The following FMNL1 variants were observed in gnomAD, a reference collection of about 807,000 sequenced individuals.
FMNL1 encodes the protein formin like 1, also known as formin-like protein 1.
A neutral mutation model predicts 121.3 loss-of-function variants in FMNL1; 43 were observed. The ratio of observed to expected loss-of-function variants is 0.35; its 90% confidence interval spans 0.28 to 0.46. The LOEUF is 0.46. Ranked by LOEUF, FMNL1 falls within the 20% of genes least tolerant of loss-of-function variation. FMNL1 has a pLI of 1.00. For missense variants in FMNL1, 1,191 were observed against 1,482.4 expected (o/e 0.80, Z 3.23); for synonymous variants, 613 against 613.5 (o/e 1.00, Z 0.01).
At chr17:45,229,476 C>T (rs758601447) in intron 1 of FMNL1, among the ~76,000 whole-genome samples, 50 of 152,344 alleles carry the variant, frequency 3.3e-4, no homozygotes, top group Non-Finnish European at 4.9e-4. Context: ...GGAGCGTGAA[C>T]CACCATGGCT....
rs767205834 is a variant in FMNL1 at position 45,236,182 on chromosome 17, G to A, written c.661G>A (p.Val221Ile). Residue 221 changes from valine to isoleucine, a missense_variant, in exon 7 of 27, where the codon GTC (valine) becomes ATC (isoleucine). Val to Ile is a conservative substitution (Grantham distance 29). Around this residue, in one of 4 missense-constraint regions of FMNL1, gnomAD observed 253 missense variants for 417.5 expected, o/e 0.61. Coordinates refer to ENST00000331495, the MANE Select transcript of FMNL1 (RefSeq NM_005892.4). ...SRKALRNSRI[V>I]SQKDDVHVCI... is the part of the protein sequence containing the mutation. ...GAAGGCCCTGCGGAATTCCCGCATC[G>A]TCAGCCAGAAGGACGACGTCCACGT... The A allele has an allele frequency of 5.0e-6, 8 of 1,613,720 alleles. No homozygotes were observed. The highest frequency in any genetic ancestry group is 1.7e-5 in the Admixed American group (1 of 59,996).
At chr17:45,235,593 G>C (rs115138658) in intron 6 of FMNL1, among the ~76,000 whole-genome samples, 1 of 152,198 alleles carries the variant, frequency 6.6e-6, no homozygotes, top group African/African-American at 2.4e-5. Context: ...ATTTGTTGGC[G>C]AAGAATAAGG....
At chr17:45,232,843 ATGTG>A (rs112855430) in intron 3 of FMNL1, 24 of 519,586 alleles carry the variant, frequency 4.6e-5, no homozygotes, top group Non-Finnish European at 6.3e-5. Context: ...GAGAGAGAGA[ATGTG>A]TGTGTGTGTG....
chr17:45,234,276 C>G (rs1163733789), intron 6 of FMNL1, 76 bp downstream of exon 6: 1 of 1,609,666 alleles, frequency 6.2e-7, no homozygotes, highest in African/African-American at 1.3e-5. Flanking sequence ...GCCAGCCCAC[C>G]CCGGGCCCTT....
rs1397732080 is a variant in FMNL1, at chr17:45,247,076, T to C, written c.*218T>C. On this transcript the variant is annotated 3_prime_UTR_variant, in exon 27 of 27. Coordinates refer to ENST00000331495, the MANE Select transcript of FMNL1 (RefSeq NM_005892.4). ...GCTGGCCGGGCAGCCCCTCCTCCGC[T>C]GTGGCCCGCCTCAAACGGGCTGGTG... is the stretch of plus-strand genomic sequence containing the variant. The C allele has an allele frequency of 1.6e-6, 1 of 619,008 alleles. No individual in the cohort carries two copies. The highest frequency in any genetic ancestry group is 2.5e-5 in the Admixed American group (1 of 40,150). The allele number at this position is 619,008 out of a possible 1,614,324, so 38.3% of individuals were successfully genotyped here.
chr17:45,239,615 G>A (rs1818033616), intron 11 of FMNL1, among the ~76,000 whole-genome samples: 1 of 152,156 alleles, frequency 6.6e-6, no homozygotes, highest in Non-Finnish European at 1.5e-5. Flanking sequence ...GGCTTTCGGG[G>A]TTGGATTTTT....
At chr17:45,230,132 A>T (rs1425755881) in intron 1 of FMNL1, among the ~76,000 whole-genome samples, 1 of 152,120 alleles carries the variant, frequency 6.6e-6, no homozygotes, top group East Asian at 1.9e-4. Flanking sequence ...TACACGTGGG[A>T]TCTGGTGGCA....
At position 45,242,438 on chromosome 17, in the gene FMNL1, A is replaced by G; in HGVS notation, c.1983A>G (p.Thr661=). The G allele has an allele frequency of 6.2e-7, 1 of 1,614,094 alleles. No homozygotes were observed. Among genetic ancestry groups the G allele is most frequent in the Non-Finnish European group, 8.5e-7 (1 of 1,179,928 alleles). The change falls in exon 16 of 27, where the codon ACA becomes ACG. Residue 661 remains threonine (T), a synonymous_variant. Transcript: ENST00000331495. ...GCCAGATCACCGGCACTGTCTTCACAGAGCTCAATGATGAGAAGGTGCTGC... is the reference window on the plus strand; with the variant it reads ...GCCAGATCACCGGCACTGTCTTCACGGAGCTCAATGATGAGAAGGTGCTGC... ...KPSQITGTVF[T]ELNDEKVLQE...
At chr17:45,235,987 G>T (rs987415174) in intron 6 of FMNL1, 149 bp from the exon 7 acceptor site, 12 of 640,950 alleles carry the variant, frequency 1.9e-5, no homozygotes, top group Admixed American at 2.7e-5. Flanking sequence ...AAGCCTGCCT[G>T]CCCTCAGCCA....
intron 18 of FMNL1, 28 bp downstream of exon 18, chr17:45,244,053 G>A (rs745502207): frequency 6.3e-7 from 1 of 1,599,930 alleles, no homozygotes; most frequent in Non-Finnish European, 8.5e-7. Flanking sequence ...AGGGCGGTGT[G>A]ACTTGGGAGG....
In FMNL1 at chr17:45,242,157, T is replaced by C; in HGVS notation, c.1885+11T>C. 6.6e-7 allele frequency: 1 copy of C among 1,526,656 alleles called. No homozygotes were observed. The highest frequency in any genetic ancestry group is 1.4e-5 in the African/African-American group (1 of 72,174). 94.6% of individuals were successfully genotyped at this position (1,526,656 alleles called of 1,614,324 possible). On this transcript the variant is annotated intron_variant, in intron 15 of 26. Transcript: ENST00000331495. Reference sequence around the variant, plus strand: ...CAGAATTGGGCCCAGGTGAGTGGAGTGGACCACCTTGGGCCCGGGGCTGGG... The same window carrying C: ...CAGAATTGGGCCCAGGTGAGTGGAGCGGACCACCTTGGGCCCGGGGCTGGG...
chr17:45,230,969 C>T (rs2043424960), intron 2 of FMNL1, among the ~76,000 whole-genome samples: 1 of 152,230 alleles, frequency 6.6e-6, no homozygotes, highest in African/African-American at 2.4e-5. Context: ...GGGCCTCGCA[C>T]TGTCACTGTC....
In FMNL1 at chr17:45,245,543, TGG is replaced by T; in HGVS notation, c.2893-87_2893-86del. The T allele has an allele frequency of 2.5e-6, 4 of 1,601,354 alleles. 1 individual carries two copies. The highest frequency in any genetic ancestry group is 3.4e-6 in the Non-Finnish European group (4 of 1,169,860). ...AGCAGGAATGAGGGGCCACCCTGCC[TGG>T]GAGGAGCTCAGATCAGGTGGCCAGT... is the stretch of plus-strand genomic sequence containing the variant. On this transcript the variant is annotated intron_variant, in intron 22 of 26. Transcript: ENST00000331495.
At chr17:45,228,621 G>T (rs1170701757) in intron 1 of FMNL1, among the ~76,000 whole-genome samples, 1 of 152,248 alleles carries the variant, frequency 6.6e-6, no homozygotes, top group Non-Finnish European at 1.5e-5. Flanking sequence ...TCGGAGCAGT[G>T]CCTTGCACAG....
rs745435426 is a variant in FMNL1, at chr17:45,240,440, C to A, written c.1081-36C>A. On this transcript the variant is annotated intron_variant, in intron 11 of 26. Coordinates refer to ENST00000331495, the MANE Select transcript of FMNL1 (RefSeq NM_005892.4). ...GGAAAGACTCCCCCCCACACACACA[C>A]CAGGCCTCACCCCACTCCTTCCATC... 3 of 1,581,426 alleles carry A rather than the reference C, an allele frequency of 1.9e-6. No individual in the cohort carries two copies. The African/African-American group carries it at 4.1e-5, about 21-fold the overall frequency.
intron 1 of FMNL1, among the ~76,000 whole-genome samples, chr17:45,224,110 C>T (rs1205942428): frequency 3.3e-5 from 5 of 152,140 alleles, no homozygotes; most frequent in Non-Finnish European, 5.9e-5. Context: ...CCAGGGCTTA[C>T]CCCCTACCAG....
At chr17:45,229,218 G>C (rs1273038365) in intron 1 of FMNL1, among the ~76,000 whole-genome samples, 1 of 152,240 alleles carries the variant, frequency 6.6e-6, no homozygotes, top group Non-Finnish European at 1.5e-5. Flanking sequence ...GGGGGGCCTG[G>C]CGGAGGGGCA....
At chr17:45,234,506 A>G (rs2043508739) in intron 6 of FMNL1, 1 of 370,170 alleles carries the variant, frequency 2.7e-6, no homozygotes, top group Non-Finnish European at 5.2e-6. Context: ...CTCTACTAAA[A>G]TACAAAAATT....
In FMNL1 at chr17:45,237,431, C is replaced by T. The variant is rs1012379027; in HGVS notation, c.800+74C>T. On this transcript the variant is annotated intron_variant, in intron 8 of 26. Coordinates refer to ENST00000331495, the MANE Select transcript of FMNL1 (RefSeq NM_005892.4). This position sits in a 1 kb window ranked among gnomAD's most constrained non-coding sequence, Gnocchi z 4.4. ...CTTAGCCCCTTGCTTACTCTGTCCTCCAGGTCTCAGAGGCTCATTCTGCAC... is the reference window on the plus strand; with the variant it reads ...CTTAGCCCCTTGCTTACTCTGTCCTTCAGGTCTCAGAGGCTCATTCTGCAC... 5.6e-6 allele frequency: 9 copies of T among 1,609,310 alleles called. No individual in the cohort carries two copies. Among genetic ancestry groups the T allele is most frequent in the Non-Finnish European group, 7.7e-6 (9 of 1,175,642 alleles).
Sources: gnomAD v4.1 joint callset for allele counts (sites outside exome capture counted in the v4.1 genomes callset) on GRCh38, gnomAD v4.1.1 for gene constraint, gnomAD v4.1.1 regional missense constraint, Gnocchi (gnomAD v3.1) non-coding constraint, MANE v1.5 for transcripts, NCBI Gene and HGNC (gene_info 2026-07-23, HGNC 2026-07-21) for gene names.